The following WDR7 variants were observed in gnomAD, a reference collection of about 807,000 sequenced individuals.
WDR7 encodes WD repeat domain 7.
In WDR7, 46 loss-of-function variants were observed where a neutral mutation model predicts 169.4. The ratio of observed to expected loss-of-function variants is 0.27; its 90% CI spans 0.21 to 0.35. The LOEUF is 0.35. WDR7 is among the 10% of genes least tolerant of loss of function. The pLI, the probability that WDR7 is intolerant of heterozygous loss-of-function variation, is 1.00. For synonymous variants in WDR7, 612 were observed against 666.8 expected, an observed-to-expected ratio of 0.92 and a Z score of 1.27; for missense variants, 1,534 against 1,859.3, an observed-to-expected ratio of 0.83 and a Z score of 3.22.
intron 1 of WDR7, among the ~76,000 whole-genome samples, chr18:56,660,007 T>G (rs2024869834): frequency 1.3e-5 from 2 of 152,098 alleles, no homozygotes; most frequent in South Asian, 4.1e-4. Flanking sequence ...AGTGTTGAGA[T>G]GTTGCAGGAT....
chr18:56,841,256 G>T (rs2045481542), intron 20 of WDR7, among the ~76,000 whole-genome samples: 1 of 151,204 alleles, frequency 6.6e-6, no homozygotes, highest in Non-Finnish European at 1.5e-5. Context: ...GAAATAAAGG[G>T]AATGGCTGGG....
chr18:56,836,546 T>C (rs17750408), intron 20 of WDR7, among the ~76,000 whole-genome samples: 36 of 152,350 alleles, frequency 2.4e-4, no homozygotes, highest in Admixed American at 3.9e-4. Context: ...TGTATATCAG[T>C]CAACCCTAGA....
At chr18:56,978,593 A>G (rs1415573061) in intron 26 of WDR7, among the ~76,000 whole-genome samples, 2 of 152,146 alleles carry the variant, frequency 1.3e-5, no homozygotes, top group Non-Finnish European at 2.9e-5. Context: ...CAAACCCAGT[A>G]TTTCCTTTAT....
chr18:56,719,981 A>G (rs766711172), intron 13 of WDR7, among the ~76,000 whole-genome samples: 2 of 152,166 alleles, frequency 1.3e-5, no homozygotes, highest in Non-Finnish European at 2.9e-5. Context: ...GTATACATGC[A>G]TGTGTATCTA....
At chr18:56,674,616 C>T (rs908950541) in intron 2 of WDR7, among the ~76,000 whole-genome samples, 4 of 151,994 alleles carry the variant, frequency 2.6e-5, no homozygotes, top group Non-Finnish European at 5.9e-5. Context: ...CCCATTTTAT[C>T]AGTTGTTTTT....
At chr18:56,952,694 G>GT (rs2047199481) in intron 25 of WDR7, among the ~76,000 whole-genome samples, 1 of 152,126 alleles carries the variant, frequency 6.6e-6, no homozygotes, top group African/African-American at 2.4e-5. Context: ...GAAACCAAAC[G>GT]GATAGTTTTT....
intron 19 of WDR7, among the ~76,000 whole-genome samples, chr18:56,805,120 A>G (rs535708739): frequency 2.0e-5 from 3 of 152,246 alleles, no homozygotes; most frequent in Non-Finnish European, 4.4e-5. Flanking sequence ...ACCCTAAGTA[A>G]TGCTTTGGGT....
chr18:56,692,747 G>C (rs1419219269), intron 9 of WDR7, among the ~76,000 whole-genome samples: 1 of 151,876 alleles, frequency 6.6e-6, no homozygotes, highest in African/African-American at 2.4e-5. Flanking sequence ...TTAAATATCA[G>C]CTCCCTAATA....
chr18:56,943,842 CTCTG>C (rs1332697735), intron 25 of WDR7, among the ~76,000 whole-genome samples: 1 of 151,902 alleles, frequency 6.6e-6, no homozygotes, highest in Non-Finnish European at 1.5e-5. Context: ...TAAAATTATT[CTCTG>C]TGAGTCCAAA....
chr18:56,829,728 A>G (rs1396972099), intron 20 of WDR7, among the ~76,000 whole-genome samples: 1 of 152,216 alleles, frequency 6.6e-6, no homozygotes, highest in Non-Finnish European at 1.5e-5. Context: ...TATCAACCTT[A>G]ATTATGATGT....
intron 21 of WDR7, among the ~76,000 whole-genome samples, chr18:56,911,351 G>A (rs2046549491): frequency 6.6e-6 from 1 of 152,172 alleles, no homozygotes. Flanking sequence ...CCAAGTCAAA[G>A]CTTAAACAAA....
chr18:56,896,645 A>G (rs917548961), intron 21 of WDR7, among the ~76,000 whole-genome samples: 2 of 151,902 alleles, frequency 1.3e-5, no homozygotes, highest in African/African-American at 2.4e-5. Context: ...ACAAGAAAAA[A>G]TAATGAAATT....
intron 20 of WDR7, among the ~76,000 whole-genome samples, chr18:56,817,398 C>T (rs2044995693): frequency 6.6e-6 from 1 of 151,626 alleles, no homozygotes; most frequent in Non-Finnish European, 1.5e-5. Flanking sequence ...AGATTTCCTC[C>T]TTCCCTCCCA....
chr18:56,678,071 T>C (rs983956633), intron 2 of WDR7, among the ~76,000 whole-genome samples: 1 of 152,234 alleles, frequency 6.6e-6, no homozygotes, highest in African/African-American at 2.4e-5. Flanking sequence ...TTCTTTAGTA[T>C]GCCAATTGCA....
Position 56,849,953 on chromosome 18 carries a change from G to C in WDR7, c.3305-29991G>C, listed in dbSNP as rs527414027. Among the ~76,000 whole-genome samples the C allele has an allele frequency of 1.1e-4, 17 of 152,238 alleles. No homozygotes were observed. In the East Asian group the frequency reaches 3.1e-3, roughly 28 times the overall value. ...ATGGTCTTATGTATGATCTGCTCCT[G>C]TGTGCCTCCATCCCTTCACATTCAC... On this transcript the variant is annotated intron_variant, in intron 20 of 27. Coordinates refer to ENST00000254442, the MANE Select transcript of WDR7 (RefSeq NM_015285.3).
At chr18:56,819,062 GTATAA>G (rs901389744) in intron 20 of WDR7, among the ~76,000 whole-genome samples, 1 of 151,974 alleles carries the variant, frequency 6.6e-6, no homozygotes, top group African/African-American at 2.4e-5. Flanking sequence ...AAAATATGAG[GTATAA>G]TATAATGCTT....
chr18:56,816,131 T>C lies in WDR7; in HGVS notation c.3291T>C (p.Asp1097=), dbSNP rs146577485. The C allele has an allele frequency of 3.7e-5, 59 of 1,613,330 alleles. No individual in the cohort carries two copies. The highest frequency in any genetic ancestry group is 1.3e-4 in the African/African-American group (10 of 74,882). Residue 1097 remains aspartate, a synonymous_variant, in exon 20 of 28, where the codon GAT becomes GAC. Transcript: ENST00000254442. ...AGGAAGAGCATGACCTTGTTGACGA[T>C]GACATCACCACTGGTAAGCACAGAC... ...VQEEEHDLVD[D]DITTGCLSSV...
Position 56,779,450 on chromosome 18 carries a change from T to C in WDR7, c.2967T>C (p.Ala989=). The change falls in exon 18 of 28, where the codon GCT becomes GCC. Residue 989 remains alanine (A), a synonymous_variant. Transcript: ENST00000254442. ...LVNEGWSQLA[A]MHCVMLPDLL... ...TGACAGGTTGGAGTCAGTTAGCTGC[T>C]ATGCACTGTGTTATGCTGCCAGACC... 1.9e-6 allele frequency: 3 copies of C among 1,612,888 alleles called. No individual in the cohort carries two copies. The highest frequency in any genetic ancestry group is 2.2e-5 in the East Asian group (1 of 44,810).
At chr18:56,936,544 C>G (rs1019104888) in intron 23 of WDR7, among the ~76,000 whole-genome samples, 2 of 152,076 alleles carry the variant, frequency 1.3e-5, no homozygotes, top group Non-Finnish European at 2.9e-5. Context: ...GAATAATGGG[C>G]AGACTCAGTG....
Sources: allele counts gnomAD v4.1 joint callset (sites outside exome capture counted in the v4.1 genomes callset), GRCh38; gene constraint gnomAD v4.1.1; transcripts MANE v1.5; gene names NCBI Gene and HGNC (gene_info 2026-07-23, HGNC 2026-07-21).